Variants in NOS3 observed in about 807,000 individuals in gnomAD.
NOS3 encodes the protein NOS type III.
Under a neutral mutation model 144.9 loss-of-function variants are expected in NOS3, and 98 were observed. That is an observed-to-expected ratio of 0.68 (90% CI 0.57 to 0.80). The LOEUF (loss-of-function observed/expected upper bound fraction) is 0.80. Ranked by LOEUF, NOS3 falls within the 30% of genes least tolerant of loss-of-function variation. NOS3 has a pLI of 0.00. For synonymous variants in NOS3, 714 were observed against 702.4 expected, an observed-to-expected ratio of 1.02 and a Z score of -0.26; for missense variants, 1,465 against 1,656.4, an observed-to-expected ratio of 0.88 and a Z score of 2.01.
intron 14 of NOS3, among the ~76,000 whole-genome samples, chr7:151,005,808 G>A (rs540445086): frequency 1.7e-4 from 26 of 152,282 alleles, no homozygotes; most frequent in Admixed American, 7.8e-4. Flanking sequence ...CCGGAGGATC[G>A]CTTGAGCCCA....
intron 23 of NOS3, chr7:151,011,866 C>T: frequency 2.3e-6 from 1 of 437,670 alleles, no homozygotes; most frequent in Non-Finnish European, 4.6e-6. Flanking sequence ...CATGCTGTGT[C>T]CAGAAGTCTT....
In NOS3 at chr7:151,010,221, C is replaced by CT; in HGVS notation, c.2621dup (p.Leu874PhefsTer158). 1 of 1,612,846 alleles carries CT rather than the reference C, an allele frequency of 6.2e-7. No homozygotes were observed. Among genetic ancestry groups the CT allele is most frequent in the Non-Finnish European group, 8.5e-7 (1 of 1,179,978 alleles). On this transcript the variant is annotated frameshift_variant, in exon 21 of 27. Transcript: ENST00000297494. LOFTEE classifies it high-confidence loss of function. ...TCACCTCCCCACCCAGCCCTCAGCT[C>CT]TTGCGGCTGCTCAGCACCTTGGCAG...
Position 151,013,761 on chromosome 7 carries a change from C to T in NOS3, c.3293C>T (p.Ala1098Val). The change falls in exon 26 of 27, where the codon GCG (alanine) becomes GTG (valine). Residue 1098 changes from alanine (A) to valine (V), a missense_variant. By Grantham distance (64) the Ala-to-Val change is moderately conservative (BLOSUM62 0). Around this residue, in one of 5 missense-constraint regions of NOS3, gnomAD observed 228 missense variants for 227.7 expected, o/e 1.00. Coordinates refer to ENST00000297494, the MANE Select transcript of NOS3 (RefSeq NM_000603.5). ...GACATCCTGAGGACGGAGCTGGCTG[C>T]GGAGGTGCACCGCGTGCTGTGCCTC... ...VQDILRTELA[A>V]EVHRVLCLER... 2 of 1,611,116 alleles carry T rather than the reference C, an allele frequency of 1.2e-6. No homozygotes were observed. The highest frequency in any genetic ancestry group is 1.7e-5 in the Admixed American group (1 of 59,828).
rs1795348212 is a variant in NOS3, at chr7:151,013,323, C to T, written c.3199C>T (p.Arg1067Cys). Residue 1067 changes from arginine (R) to cysteine (C), a missense_variant, in exon 25 of 27, where the codon CGC becomes TGC. This residue lies in a region of NOS3 where 228 missense variants were observed against 227.7 expected (regional missense o/e 1.00). Transcript: ENST00000297494. ...CGACGAGGTGCAGAACGCCCAGCAG[C>T]GCGGGGTGTTTGGCCGAGTCCTCAC... ...YRDEVQNAQQRGVFGRVLTAF... is the reference protein window; with the variant it reads ...YRDEVQNAQQCGVFGRVLTAF... The T allele has an allele frequency of 3.7e-6, 6 of 1,613,946 alleles. No individual in the cohort carries two copies. The South Asian group carries it at 6.6e-5, about 18-fold the overall frequency.
chr7:151,009,749 G>A (rs1427687236), intron 20 of NOS3, among the ~76,000 whole-genome samples, 164 bp downstream of exon 20: 1 of 152,132 alleles, frequency 6.6e-6, no homozygotes, highest in Non-Finnish European at 1.5e-5. Flanking sequence ...TGCCGGGCTG[G>A]CCTTGTTGCT....
rs753511043 is a variant in NOS3, at chr7:150,995,204, C to T, written c.160C>T (p.Pro54Ser). Residue 54 changes from proline (P) to serine (S), a missense_variant and splice_region_variant, in exon 3 of 27, where the codon CCC becomes TCC. This residue lies in a region of NOS3 where 374 missense variants were observed against 377.0 expected (regional missense o/e 0.99). Transcript: ENST00000297494. The stretch of plus-strand genomic sequence containing the variant: ...GACCCTATCCCTGGCTCCCAACAGC[C>T]CCCCGAGCTCCCCGCTAACCCAGCC... ...SLLPPAPEHS[P>S]PSSPLTQPPE... The T allele has an allele frequency of 1.9e-6, 3 of 1,584,560 alleles. No individual in the cohort carries two copies. The highest frequency in any genetic ancestry group is 2.6e-6 in the Non-Finnish European group (3 of 1,155,044).
Position 151,010,586 on chromosome 7 carries a change from T to G in NOS3, c.2686-11T>G, listed in dbSNP as rs757794036. ...ATGGGGCCTCCAACCCACTGCATCC[T>G]GCCCCGCCAGGATCCCCGACGCTAC... On this transcript the variant is annotated splice_polypyrimidine_tract_variant and intron_variant, in intron 21 of 26. Transcript: ENST00000297494. 6.4e-7 allele frequency: 1 copy of G among 1,559,630 alleles called. No homozygotes were observed. The highest frequency in any genetic ancestry group is 1.4e-5 in the African/African-American group (1 of 73,968).
intron 4 of NOS3, 24 bp from the exon 5 acceptor site, chr7:150,996,739 C>T: frequency 1.9e-6 from 3 of 1,609,598 alleles, no homozygotes; most frequent in Non-Finnish European, 2.5e-6. Context: ...CTGCTTGTCC[C>T]CTTCCCACCC....
chr7:151,010,172 AG>A lies in NOS3; in HGVS notation c.2572del (p.Ala858LeufsTer100). The A allele has an allele frequency of 6.2e-7, 1 of 1,611,354 alleles. No homozygotes were observed. The highest frequency in any genetic ancestry group is 1.1e-5 in the South Asian group (1 of 90,972). On this transcript the variant is annotated frameshift_variant, in exon 21 of 27. Coordinates refer to ENST00000297494, the MANE Select transcript of NOS3 (RefSeq NM_000603.5). LOFTEE classifies it high-confidence loss of function. ...CGGCTGCCCCCGTGCACGCTGCGCC[AG>A]GCTCTCACCTTCTTCCTGGACATCA... is the stretch of plus-strand genomic sequence containing the variant. ...DPRLPPCTLR[Q>X]ALTFFLDITS...
Position 150,996,958 on chromosome 7 carries a change from G to T in NOS3, c.582+33G>T, listed in dbSNP as rs375190779. 564 of 1,539,756 alleles carry T rather than the reference G, an allele frequency of 3.7e-4. 4 individuals carry two copies. The Middle Eastern group carries it at 9.1e-3, about 25-fold the overall frequency. On this transcript the variant is annotated intron_variant, in intron 5 of 26. Coordinates refer to ENST00000297494, the MANE Select transcript of NOS3 (RefSeq NM_000603.5). Reference sequence around the variant, plus strand: ...TGGCCAGCGACTGAGAGACCCGGGCGCTACCAAAAGGGGAGCGGGGTGGCG... The same window carrying T: ...TGGCCAGCGACTGAGAGACCCGGGCTCTACCAAAAGGGGAGCGGGGTGGCG...
chr7:151,009,885 C>T (rs1181975990), intron 20 of NOS3, among the ~76,000 whole-genome samples: 1 of 152,234 alleles, frequency 6.6e-6, no homozygotes, highest in African/African-American at 2.4e-5. Flanking sequence ...TTTGCTGCCA[C>T]ATCAATGCCT....
chr7:151,002,231 C>T lies in NOS3; in HGVS notation c.1679C>T (p.Ser560Phe), dbSNP rs868213040. 6.2e-7 allele frequency: 1 copy of T among 1,600,372 alleles called. No homozygotes were observed. Among genetic ancestry groups the T allele is most frequent in the Non-Finnish European group, 8.5e-7 (1 of 1,173,272 alleles). ...TGTATGGATGAGTATGACGTGGTGT[C>T]CCTCGAACACGAGACGCTGGTGCTG... ...VLCMDEYDVV[S>F]LEHETLVLVV... Residue 560 changes from serine to phenylalanine, a missense_variant, in exon 14 of 27, where the codon TCC becomes TTC. Coordinates refer to ENST00000297494, the MANE Select transcript of NOS3 (RefSeq NM_000603.5). The surrounding 1 kb of genome is among the most constrained non-coding windows in gnomAD (Gnocchi z 4.1).
chr7:150,993,252 G>A lies in NOS3; in HGVS notation c.-51-501G>A, dbSNP rs1317433583. The stretch of plus-strand genomic sequence containing the variant: ...CCCAAGAACCCAAAAGGACTCAAGG[G>A]TGGGGATCCAGGAGTTCTTGTATGT... On this transcript the variant is annotated intron_variant, in intron 1 of 26. Transcript: ENST00000297494. The surrounding 1 kb of genome is among the most constrained non-coding windows in gnomAD (Gnocchi z 4.0). 6.6e-6 allele frequency among the ~76,000 whole-genome samples: 1 copy of A among 152,170 alleles called. No individual in the cohort carries two copies. Among genetic ancestry groups the A allele is most frequent in the Non-Finnish European group, 1.5e-5 (1 of 68,010 alleles).
chr7:150,999,155 A>C, intron 8 of NOS3, 35 bp from the exon 9 acceptor site: 1 of 1,610,854 alleles, frequency 6.2e-7, no homozygotes, highest in Middle Eastern at 1.7e-4. Context: ...AAGGGCCTGC[A>C]AGGGGGTGCT....
chr7:150,994,761 C>T (rs775785781), intron 2 of NOS3, among the ~76,000 whole-genome samples: 1 of 152,150 alleles, frequency 6.6e-6, no homozygotes. Flanking sequence ...ATAAGGCCTG[C>T]GAGGCTTCCC....
Position 151,003,444 on chromosome 7 carries a change from T to C in NOS3, c.1752+1140T>C, listed in dbSNP as rs1182133653. ...CCTGGCCCTCAGTATCTTAAGCAAG[T>C]TGGAATCTCGTGAAACCCTTTTTGC... is the stretch of plus-strand genomic sequence containing the variant. On this transcript the variant is annotated intron_variant, in intron 14 of 26. Coordinates refer to ENST00000297494, the MANE Select transcript of NOS3 (RefSeq NM_000603.5). The surrounding 1 kb of genome is among the most constrained non-coding windows in gnomAD (Gnocchi z 4.1). The C allele has an allele frequency of 4.9e-6, 6 of 1,216,582 alleles. No homozygotes were observed. The Admixed American group carries it at 1.2e-4, about 24-fold the overall frequency. The allele number at this position is 1,216,582 out of a possible 1,614,324, so 75.4% of individuals were successfully genotyped here. A position where few individuals can be genotyped will look rare whatever the true frequency, so the allele number is the denominator to read the frequency against.
Position 151,001,366 on chromosome 7 carries a change from A to C in NOS3, c.1369A>C (p.Thr457Pro), listed in dbSNP as rs1296624626. 1.9e-6 allele frequency: 3 copies of C among 1,611,368 alleles called. No homozygotes were observed. The Admixed American group carries it at 5.0e-5, about 27-fold the overall frequency. Residue 457 changes from threonine (T) to proline (P), a missense_variant, in exon 11 of 27, where the codon ACT (threonine) becomes CCT (proline). Thr to Pro is a conservative substitution (Grantham distance 38). This residue lies in a region of NOS3 where 745 missense variants were observed against 853.9 expected (regional missense o/e 0.87). Coordinates refer to ENST00000297494, the MANE Select transcript of NOS3 (RefSeq NM_000603.5). ...CGTGCCCCCCATCTCGGGCAGCCTCACTCCTGTTTTCCATCAGGAGATGGT... is the reference window on the plus strand; with the variant it reads ...CGTGCCCCCCATCTCGGGCAGCCTCCCTCCTGTTTTCCATCAGGAGATGGT... ...WIVPPISGSL[T>P]PVFHQEMVNY...
At chr7:150,997,032 G>A (rs1282903480) in intron 5 of NOS3, 107 bp downstream of exon 5, 2 of 1,307,152 alleles carry the variant, frequency 1.5e-6, no homozygotes, top group African/African-American at 2.9e-5. Flanking sequence ...AAACTGTGGG[G>A]GAGATCCTTG....
chr7:151,012,229 T>G, intron 23 of NOS3, 122 bp from the exon 24 acceptor site: 1 of 900,952 alleles, frequency 1.1e-6, no homozygotes, highest in South Asian at 2.2e-5. Context: ...TTTTTTGTTT[T>G]TTTTTTAATT....
Sources: allele counts gnomAD v4.1 joint callset (sites outside exome capture counted in the v4.1 genomes callset), GRCh38; gene constraint gnomAD v4.1.1; regional missense constraint gnomAD v4.1.1; non-coding constraint Gnocchi (gnomAD v3.1); transcripts MANE v1.5; gene names NCBI Gene and HGNC (gene_info 2026-07-23, HGNC 2026-07-21).